GRIN2D: variants seen among roughly 807,000 people sequenced by gnomAD.
GRIN2D encodes the protein glutamate receptor ionotropic, NMDA 2D.
A neutral mutation model predicts 103.2 loss-of-function variants in GRIN2D; 37 were observed. The observed-to-expected ratio is 0.36, with a 90% confidence interval of 0.28 to 0.47. GRIN2D has a LOEUF of 0.47. GRIN2D is among the 20% of genes least tolerant of loss of function. GRIN2D has a pLI of 1.00. For synonymous variants in GRIN2D, 845 were observed against 885.6 expected (o/e 0.95, Z 0.81); for missense variants, 1,557 against 1,910.6 (o/e 0.81, Z 3.45).
At position 48,405,488 on chromosome 19, in the gene GRIN2D, A is replaced by AAT. The variant is rs1347706588; in HGVS notation, c.1085+136_1085+137dup. ...GTTTTCTTTTCTGTAAAGTGGGTGC[A>AAT]ATTGGGTCTCTTTTCTGAGGTTAAA... On this transcript the variant is annotated intron_variant, in intron 4 of 13. Coordinates refer to ENST00000263269, the MANE Select transcript of GRIN2D (RefSeq NM_000836.4). This position sits in a 1 kb window ranked among gnomAD's most constrained non-coding sequence, Gnocchi z 5.1. 1 of 886,806 alleles carries AAT rather than the reference A, an allele frequency of 1.1e-6. No homozygotes were observed. 54.9% of individuals were successfully genotyped at this position (886,806 alleles called of 1,614,324 possible).
chr19:48,444,104 C>T lies in GRIN2D; in HGVS notation c.*167C>T. On this transcript the variant is annotated 3_prime_UTR_variant, in exon 14 of 14. Transcript: ENST00000263269. The surrounding 1 kb of genome is among the most constrained non-coding windows in gnomAD (Gnocchi z 5.5). ...CCCTGGTTCTGGAGGAACCGCAAGC[C>T]GGAGAGGATTTGGTCCCTCAACTAT... The T allele has an allele frequency of 6.6e-6, 3 of 451,792 alleles. No homozygotes were observed. The highest frequency in any genetic ancestry group is 3.6e-5 in the East Asian group (1 of 28,030). 28.0% of individuals were successfully genotyped at this position (451,792 alleles called of 1,614,324 possible). A position where few individuals can be genotyped will look rare whatever the true frequency, so the allele number is the denominator to read the frequency against.
intron 11 of GRIN2D, among the ~76,000 whole-genome samples, chr19:48,439,837 G>A (rs1191338027): frequency 2.0e-5 from 3 of 152,198 alleles, no homozygotes; most frequent in South Asian, 2.1e-4. Flanking sequence ...CAGCTACTCC[G>A]GAGGCTGAGA....
At position 48,442,144 on chromosome 19, in the gene GRIN2D, C is replaced by T; in HGVS notation, c.2441-6C>T. On this transcript the variant is annotated splice_region_variant and splice_polypyrimidine_tract_variant and intron_variant, in intron 12 of 13. Transcript: ENST00000263269. This position sits in a 1 kb window ranked among gnomAD's most constrained non-coding sequence, Gnocchi z 7.2. Reference sequence around the variant, plus strand: ...TAGCAGGTGACTTTTGACCGCCCCTCCCTAGATGAGATCGAGATGCTGGAG... The same window carrying T: ...TAGCAGGTGACTTTTGACCGCCCCTTCCTAGATGAGATCGAGATGCTGGAG... The T allele has an allele frequency of 6.2e-7, 1 of 1,613,664 alleles. No individual in the cohort carries two copies. Among genetic ancestry groups the T allele is most frequent in the Non-Finnish European group, 8.5e-7 (1 of 1,179,632 alleles).
chr19:48,443,701 G>C lies in GRIN2D; in HGVS notation c.3775G>C (p.Gly1259Arg), dbSNP rs950514288. ...CCACAGGCACCGGCGCGCCGCTGGG[G>C]GCTGGGACCTCCCGCCGCCCGCGCC... ...HHHRHRRAAG[G>R]WDLPPPAPTS... Residue 1259 changes from glycine to arginine, a missense_variant, in exon 14 of 14, where the codon GGC becomes CGC. Gly to Arg is a moderately radical substitution (Grantham distance 125). This residue lies in a region of GRIN2D where 632 missense variants were observed against 572.8 expected (regional missense o/e 1.10). Transcript: ENST00000263269. The surrounding 1 kb of genome is among the most constrained non-coding windows in gnomAD (Gnocchi z 8.9). 6.2e-6 allele frequency: 8 copies of C among 1,296,474 alleles called. No homozygotes were observed. In the African/African-American group the frequency reaches 1.3e-4, roughly 20 times the overall value. The allele number at this position is 1,296,474 out of a possible 1,614,324, so 80.3% of individuals were successfully genotyped here. A position where few individuals can be genotyped will look rare whatever the true frequency, so the allele number is the denominator to read the frequency against.
intron 3 of GRIN2D, among the ~76,000 whole-genome samples, chr19:48,404,133 G>C (rs575102678): frequency 5.5e-4 from 83 of 152,174 alleles, no homozygotes; most frequent in Non-Finnish European, 1.0e-3. Context: ...CCAGCTACTC[G>C]GGAGGCTGAG....
chr19:48,444,813 C>G lies in GRIN2D; in HGVS notation c.*876C>G, dbSNP rs897394889. 6.6e-6 allele frequency: 1 copy of G among 152,350 alleles called. No individual in the cohort carries two copies. Among genetic ancestry groups the G allele is most frequent in the African/African-American group, 2.4e-5 (1 of 41,432 alleles). 9.4% of individuals were successfully genotyped at this position (152,350 alleles called of 1,614,324 possible). A position where few individuals can be genotyped will look rare whatever the true frequency, so the allele number is the denominator to read the frequency against. On this transcript the variant is annotated 3_prime_UTR_variant, in exon 14 of 14. Transcript: ENST00000263269. This position sits in a 1 kb window ranked among gnomAD's most constrained non-coding sequence, Gnocchi z 5.5. ...CCTCTGCCCAGATCTCCAGCCGGGT[C>G]TGGGGCTGGGTTGCGGAGGGGAGGG...
chr19:48,410,918 ACAGT>A (rs1236907894), intron 4 of GRIN2D, among the ~76,000 whole-genome samples: 1 of 152,080 alleles, frequency 6.6e-6, no homozygotes, highest in Non-Finnish European at 1.5e-5. Flanking sequence ...GACATGAGAG[ACAGT>A]CAGAGTACCC....
Position 48,426,247 on chromosome 19 carries a change from A to G in GRIN2D, c.2252+4302A>G, listed in dbSNP as rs537087479. 3.4e-3 allele frequency among the ~76,000 whole-genome samples: 371 copies of G among 108,972 alleles called. 3 individuals are homozygous for G. The highest frequency in any genetic ancestry group is 0.02 in the African/African-American group (357 of 18,194). The allele number at this position is 108,972 out of a possible 152,430, so 71.5% of individuals were successfully genotyped here. On this transcript the variant is annotated intron_variant, in intron 11 of 13. Transcript: ENST00000263269. ...TTCTTTTTTTTTTTTTTTTTCTGAA[A>G]CAGAGTCTCTCTCTATTGCCCAGGC... is the stretch of plus-strand genomic sequence containing the variant.
rs1341655291 is a variant in GRIN2D, at chr19:48,398,821, C to G, written c.429C>G (p.Ala143=). The change falls in exon 3 of 14, where the codon GCC becomes GCG. Residue 143 remains alanine (A), a synonymous_variant. Coordinates refer to ENST00000263269, the MANE Select transcript of GRIN2D (RefSeq NM_000836.4). ...LSAQTSLPIV[A]VHGGAALVLT... is the part of the protein sequence containing the mutation. ...CGCAGACCTCGCTGCCCATCGTGGC[C>G]GTGCACGGCGGCGCCGCGCTCGTGC... is the stretch of plus-strand genomic sequence containing the variant. The G allele has an allele frequency of 5.6e-6, 8 of 1,416,444 alleles. No homozygotes were observed. The highest frequency in any genetic ancestry group is 2.9e-5 in the Admixed American group (1 of 34,362). 87.7% of individuals were successfully genotyped at this position (1,416,444 alleles called of 1,614,324 possible). A position where few individuals can be genotyped will look rare whatever the true frequency, so the allele number is the denominator to read the frequency against.
Position 48,394,574 on chromosome 19 carries a change from T to C in GRIN2D, c.-305-84T>C. On this transcript the variant is annotated intron_variant, in intron 1 of 13. Transcript: ENST00000263269. This position sits in a 1 kb window ranked among gnomAD's most constrained non-coding sequence, Gnocchi z 5.1. ...AAGCGGCAGAGGGGGGCACCCCGGG[T>C]GGGCGGAGGGGGGATCCCCACGGGG... Among the ~76,000 whole-genome samples the C allele has an allele frequency of 3.9e-5, 1 of 25,510 alleles. No individual in the cohort carries two copies. The highest frequency in any genetic ancestry group is 1.5e-4 in the African/African-American group (1 of 6,762). 16.7% of individuals were successfully genotyped at this position (25,510 alleles called of 152,430 possible). A position where few individuals can be genotyped will look rare whatever the true frequency, so the allele number is the denominator to read the frequency against.
chr19:48,409,005 T>G (rs1439169890), intron 4 of GRIN2D, among the ~76,000 whole-genome samples: 2 of 151,870 alleles, frequency 1.3e-5, no homozygotes, highest in African/African-American at 2.4e-5. Flanking sequence ...TGAATGGAAA[T>G]TTGTTGGCTC....
chr19:48,410,294 C>G (rs1970841313), intron 4 of GRIN2D, among the ~76,000 whole-genome samples: 1 of 150,424 alleles, frequency 6.6e-6, no homozygotes, highest in South Asian at 2.1e-4. Context: ...CTTTGGGAGG[C>G]CGAGGCGGGC....
chr19:48,400,921 C>A (rs1167676398), intron 3 of GRIN2D, among the ~76,000 whole-genome samples: 1 of 151,988 alleles, frequency 6.6e-6, no homozygotes, highest in Admixed American at 6.6e-5. Flanking sequence ...TGAAAATTAG[C>A]CGGGCATGGT....
At chr19:48,412,959 A>C (rs1282163505) in intron 4 of GRIN2D, among the ~76,000 whole-genome samples, 1 of 144,728 alleles carries the variant, frequency 6.9e-6, no homozygotes, top group Non-Finnish European at 1.5e-5. Flanking sequence ...AACATGGTGA[A>C]ACCCCATCTC....
At position 48,419,568 on chromosome 19, in the gene GRIN2D, G is replaced by C; in HGVS notation, c.1862-17G>C. 1 of 1,578,318 alleles carries C rather than the reference G, an allele frequency of 6.3e-7. No homozygotes were observed. The highest frequency in any genetic ancestry group is 1.1e-5 in the South Asian group (1 of 90,358). On this transcript the variant is annotated splice_polypyrimidine_tract_variant and intron_variant, in intron 9 of 13. Coordinates refer to ENST00000263269, the MANE Select transcript of GRIN2D (RefSeq NM_000836.4). ...GAAGGGATTTGGGGTCCATGTCCAC[G>C]TCCTGGCCCCCTGCAGGCCCTGGCG...
At position 48,433,722 on chromosome 19, in the gene GRIN2D, A is replaced by T. The variant is rs573760186; in HGVS notation, c.2253-8047A>T. ...GGAAATATCAAGGCCCCTTTCCGTA[A>T]TGTAAGCATTATTTTTTTTTCTTTT... On this transcript the variant is annotated intron_variant, in intron 11 of 13. Transcript: ENST00000263269. 2.6e-5 allele frequency among the ~76,000 whole-genome samples: 4 copies of T among 152,340 alleles called. No individual in the cohort carries two copies. In the East Asian group the frequency reaches 7.7e-4, roughly 29 times the overall value.
rs1970914659 is a variant in GRIN2D at position 48,414,319 on chromosome 19, G to C, written c.1201-54G>C. 2 of 1,415,018 alleles carry C rather than the reference G, an allele frequency of 1.4e-6. No individual in the cohort carries two copies. Among genetic ancestry groups the C allele is most frequent in the African/African-American group, 2.8e-5 (2 of 70,766 alleles). 87.7% of individuals were successfully genotyped at this position (1,415,018 alleles called of 1,614,324 possible). On this transcript the variant is annotated intron_variant, in intron 5 of 13. Coordinates refer to ENST00000263269, the MANE Select transcript of GRIN2D (RefSeq NM_000836.4). This position sits in a 1 kb window ranked among gnomAD's most constrained non-coding sequence, Gnocchi z 4.6. ...TGAGGGAAGAGGATCATGGAGGCCA[G>C]GATACACCGGGAAGTCTTCCCAGGA...
intron 11 of GRIN2D, among the ~76,000 whole-genome samples, chr19:48,435,592 A>G (rs1455295145): frequency 6.6e-6 from 1 of 152,108 alleles, no homozygotes; most frequent in African/African-American, 2.4e-5. Flanking sequence ...TTACAGGCAC[A>G]TGCCACCACA....
At chr19:48,427,344 A>G (rs925213063) in intron 11 of GRIN2D, among the ~76,000 whole-genome samples, 7 of 143,374 alleles carry the variant, frequency 4.9e-5, no homozygotes, top group African/African-American at 1.7e-4. Flanking sequence ...AAAACAAAAC[A>G]ACAACAACAA....
Sources: gnomAD v4.1 joint callset for allele counts (sites outside exome capture counted in the v4.1 genomes callset) on GRCh38, gnomAD v4.1.1 for gene constraint, gnomAD v4.1.1 regional missense constraint, Gnocchi (gnomAD v3.1) non-coding constraint, MANE v1.5 for transcripts, NCBI Gene and HGNC (gene_info 2026-07-23, HGNC 2026-07-21) for gene names.